The following PODNL1 variants were observed in gnomAD, a reference collection of about 807,000 sequenced individuals.
The protein encoded by PODNL1 is podocan-like protein 1.
In PODNL1, 50 loss-of-function variants were observed where a neutral mutation model predicts 45.1. The observed-to-expected ratio is 1.11, with a 90% CI of 0.88 to 1.40. The LOEUF is 1.40. Among genes scored for constraint, PODNL1 ranks in the 40% most tolerant of loss-of-function variants. The pLI is 0.00. For synonymous variants in PODNL1, 406 were observed against 372.5 expected, an observed-to-expected ratio of 1.09 and a Z score of -1.04; for missense variants, 788 against 793.3, an observed-to-expected ratio of 0.99 and a Z score of 0.08.
Position 13,932,037 on chromosome 19 carries a change from C to G in PODNL1, c.1501G>C (p.Glu501Gln). ...LPEALEELHLEGNRIGHVGPE... is the reference protein window; with the variant it reads ...LPEALEELHLQGNRIGHVGPE... Reference sequence around the variant, plus strand: ...CCCACGTGGCCGATGCGGTTGCCCTCGAGGTGCAGCTCCTCTAGGGCCTCA... The same window carrying G: ...CCCACGTGGCCGATGCGGTTGCCCTGGAGGTGCAGCTCCTCTAGGGCCTCA... Residue 501 changes from glutamate (E) to glutamine (Q), a missense_variant, in exon 9 of 10, where the codon GAG (glutamate) becomes CAG (glutamine). By Grantham distance (29) the Glu-to-Gln change is conservative. This residue lies in a region of PODNL1 where 762 missense variants were observed against 750.9 expected (regional missense o/e 1.01). Coordinates refer to ENST00000588872, the MANE Select transcript of PODNL1 (RefSeq NM_001370095.3). 8.1e-7 allele frequency: 1 copy of G among 1,232,390 alleles called. No homozygotes were observed. Among genetic ancestry groups the G allele is most frequent in the East Asian group, 3.2e-5 (1 of 31,712 alleles). 76.3% of individuals were successfully genotyped at this position (1,232,390 alleles called of 1,614,324 possible). A position where few individuals can be genotyped will look rare whatever the true frequency, so the allele number is the denominator to read the frequency against.
chr19:13,945,037 A>G (rs1972770659), intron 1 of PODNL1, among the ~76,000 whole-genome samples: 1 of 152,082 alleles, frequency 6.6e-6, no homozygotes, highest in Non-Finnish European at 1.5e-5. Flanking sequence ...TGGCCTCCCA[A>G]AGGGCTGAGG....
intron 2 of PODNL1, among the ~76,000 whole-genome samples, chr19:13,936,683 A>C (rs1243856682): frequency 1.1e-5 from 1 of 87,386 alleles, no homozygotes; most frequent in Non-Finnish European, 2.2e-5. Flanking sequence ...CCCACAATCG[A>C]CCCCAATTCC....
intron 1 of PODNL1, among the ~76,000 whole-genome samples, chr19:13,948,111 C>G (rs1465707613): frequency 1.3e-5 from 2 of 152,160 alleles, no homozygotes; most frequent in Non-Finnish European, 2.9e-5. Flanking sequence ...TCCTCCCACT[C>G]AAGCCATCTC....
rs763191795 is a variant in PODNL1, at chr19:13,934,256, G to A, written c.649C>T (p.Gln217Ter). 2 of 1,505,132 alleles carry A rather than the reference G, an allele frequency of 1.3e-6. No individual in the cohort carries two copies. The highest frequency in any genetic ancestry group is 1.4e-5 in the South Asian group (1 of 73,614). The allele number at this position is 1,505,132 out of a possible 1,614,324, so 93.2% of individuals were successfully genotyped here. Residue 217 changes from glutamine to a stop codon, truncating the protein, a stop_gained and splice_region_variant, in exon 6 of 10, where the codon CAG (glutamine) becomes TAG (stop). Transcript: ENST00000588872. LOFTEE classifies it high-confidence loss of function. The part of the protein sequence containing the change: ...LPPSLERLHL[Q>*]NNLISKVPRG... ...GGTGGGACCTACAGCAGGGCTACCT[G>A]CAGGTGGAGCCGCTCGAGTGAGGGC...
rs1482607245 is a variant in PODNL1 at position 13,938,292 on chromosome 19, C to G, written c.-111G>C. The stretch of plus-strand genomic sequence containing the variant: ...CTGTGGCCACCACCGCCCCCCATCT[C>G]CAGACCCATGCCACCCCCCACAACA... On this transcript the variant is annotated 5_prime_UTR_variant, in exon 1 of 10. Transcript: ENST00000588872. The G allele has an allele frequency of 6.8e-7, 1 of 1,479,010 alleles. No individual in the cohort carries two copies. Among genetic ancestry groups the G allele is most frequent in the Non-Finnish European group, 9.0e-7 (1 of 1,111,440 alleles). The allele number at this position is 1,479,010 out of a possible 1,614,324, so 91.6% of individuals were successfully genotyped here.
At chr19:13,938,847 G>C (rs191563643), upstream of PODNL1, among the ~76,000 whole-genome samples, 4 of 152,112 alleles carry the variant, frequency 2.6e-5, no homozygotes, top group East Asian at 7.7e-4. Context: ...CTTGGTGCCA[G>C]CCTGCCTGGG....
At chr19:13,939,109 G>C (rs1031632236), upstream of PODNL1, among the ~76,000 whole-genome samples, 7 of 152,164 alleles carry the variant, frequency 4.6e-5, no homozygotes, top group African/African-American at 1.4e-4. Flanking sequence ...CTCCTGCCCA[G>C]ACCTCAGCTT....
intron 1 of PODNL1, chr19:13,953,051 G>T: frequency 6.5e-7 from 1 of 1,532,158 alleles, no homozygotes; most frequent in Non-Finnish European, 8.9e-7. Context: ...CTGGCTTTGG[G>T]CTTCCTCCGC....
upstream of PODNL1, among the ~76,000 whole-genome samples, chr19:13,943,178 C>T (rs556951425): frequency 5.6e-4 from 85 of 152,108 alleles, no homozygotes; most frequent in African/African-American, 1.9e-3. Flanking sequence ...TGCCTGTAAT[C>T]CCAGCTACTC....
chr19:13,947,357 T>C (rs1442935936), intron 1 of PODNL1, among the ~76,000 whole-genome samples: 2 of 151,182 alleles, frequency 1.3e-5, no homozygotes, highest in Non-Finnish European at 2.9e-5. Context: ...GGTGCATGCC[T>C]GTAATGCCAG....
At chr19:13,948,277 C>A (rs1265129462) in intron 1 of PODNL1, among the ~76,000 whole-genome samples, 1 of 151,108 alleles carries the variant, frequency 6.6e-6, no homozygotes. Context: ...CGGCTCACTG[C>A]AAGCTCTCTG....
chr19:13,949,872 A>T (rs546099274), intron 1 of PODNL1, among the ~76,000 whole-genome samples: 1,652 of 148,670 alleles, frequency 0.011, 27 homozygotes, highest in African/African-American at 0.036. Context: ...TTATTTATTT[A>T]TTTTTTTTTT....
upstream of PODNL1, chr19:13,939,889 T>C (rs1038005056): frequency 6.6e-6 from 1 of 151,678 alleles, no homozygotes; most frequent in South Asian, 2.1e-4. Context: ...ATAATAATAA[T>C]AACTAACCTG....
chr19:13,935,991 C>T lies in PODNL1; in HGVS notation c.373G>A (p.Ala125Thr), dbSNP rs753707276. The change falls in exon 4 of 10, where the codon GCT (alanine) becomes ACT (threonine). Residue 125 changes from alanine (A) to threonine (T), a missense_variant. Coordinates refer to ENST00000588872, the MANE Select transcript of PODNL1 (RefSeq NM_001370095.3). ...GGCTGGGGGCTCACCTTGTTGTGAG[C>T]CACGCAGAGGTGCTGCAGCTGGGTG... ...SLTQLQHLCV[A>T]HNKLSVAPQF... The T allele has an allele frequency of 3.0e-5, 46 of 1,552,232 alleles. No homozygotes were observed. The Admixed American group carries it at 3.5e-4, about 12-fold the overall frequency.
In PODNL1 at chr19:13,933,284, G is replaced by C; in HGVS notation, c.939C>G (p.His313Gln). 6.3e-7 allele frequency: 1 copy of C among 1,575,382 alleles called. No individual in the cohort carries two copies. The highest frequency in any genetic ancestry group is 1.8e-5 in the Admixed American group (1 of 55,286). ...ARGLRYLLLQHNQLGSSGLPA... is the reference protein window; with the variant it reads ...ARGLRYLLLQQNQLGSSGLPA... ...GCAGCCCTGAGCTCCCCAGCTGGTT[G>C]TGCTGCAGCAACAAATAGCGCAGAC... Residue 313 changes from histidine (H) to glutamine (Q), a missense_variant, in exon 8 of 10, where the codon CAC (histidine) becomes CAG (glutamine). His to Gln is a conservative substitution (Grantham distance 24, BLOSUM62 0). Coordinates refer to ENST00000588872, the MANE Select transcript of PODNL1 (RefSeq NM_001370095.3). This position sits in a 1 kb window ranked among gnomAD's most constrained non-coding sequence, Gnocchi z 5.2.
chr19:13,934,698 G>A (rs1372847948), intron 5 of PODNL1, among the ~76,000 whole-genome samples: 1 of 151,958 alleles, frequency 6.6e-6, no homozygotes, highest in Non-Finnish European at 1.5e-5. Context: ...GTGTGTGCAC[G>A]TGTGTATGTG....
upstream of PODNL1, among the ~76,000 whole-genome samples, chr19:13,943,247 G>GATC (rs997423075): frequency 9.2e-5 from 14 of 151,806 alleles, no homozygotes; most frequent in African/African-American, 3.4e-4. Context: ...GGTGAGCTGA[G>GATC]ATCGCGCCAT....
intron 1 of PODNL1, among the ~76,000 whole-genome samples, chr19:13,950,703 C>T (rs1449787722): frequency 6.6e-6 from 1 of 152,140 alleles, no homozygotes; most frequent in African/African-American, 2.4e-5. Context: ...CAGCTTTGCT[C>T]TCCATGGACG....
chr19:13,931,540 C>T lies in PODNL1; in HGVS notation c.*197G>A, dbSNP rs930310211. On this transcript the variant is annotated 3_prime_UTR_variant, in exon 10 of 10. Coordinates refer to ENST00000588872, the MANE Select transcript of PODNL1 (RefSeq NM_001370095.3). The stretch of plus-strand genomic sequence containing the variant: ...TGGGAGTTTGGGGTAGGGTGTGTCC[C>T]GCCAGGCCGGCGTGGTCTGTGAGCC... 4.5e-5 allele frequency: 23 copies of T among 514,756 alleles called. No individual in the cohort carries two copies. The highest frequency in any genetic ancestry group is 2.8e-4 in the African/African-American group (14 of 50,890). 31.9% of individuals were successfully genotyped at this position (514,756 alleles called of 1,614,324 possible). A position where few individuals can be genotyped will look rare whatever the true frequency, so the allele number is the denominator to read the frequency against.
Sources: gnomAD v4.1 joint callset for allele counts (sites outside exome capture counted in the v4.1 genomes callset) on GRCh38, gnomAD v4.1.1 for gene constraint, gnomAD v4.1.1 regional missense constraint, Gnocchi (gnomAD v3.1) non-coding constraint, MANE v1.5 for transcripts, NCBI Gene and HGNC (gene_info 2026-07-23, HGNC 2026-07-21) for gene names.